Variants in KLHL17 observed in about 807,000 individuals in gnomAD.
KLHL17 encodes kelch-like protein 17.
Under a neutral mutation model 64.6 loss-of-function variants are expected in KLHL17, and 71 were observed. That is an observed-to-expected ratio of 1.10 (90% CI 0.91 to 1.34). The LOEUF (loss-of-function observed/expected upper bound fraction) is 1.34, where lower values mean the gene tolerates loss of function less well. Ranked by LOEUF, KLHL17 falls within the 40% of genes most tolerant of loss-of-function variation. KLHL17 has a pLI of 0.00. For synonymous variants in KLHL17, 612 were observed against 405.4 expected, an observed-to-expected ratio of 1.51 and a Z score of -6.12; for missense variants, 1,140 against 935.0, an observed-to-expected ratio of 1.22 and a Z score of -2.86.
At chr1:964,271 C>G in intron 10 of KLHL17, 78 bp from the exon 11 acceptor site, 1 of 1,592,750 alleles carries the variant, frequency 6.3e-7, no homozygotes. Flanking sequence ...TTCCTGACAC[C>G]CCACCCTGGA....
At chr1:962,194 G>A (rs764178043) in intron 4 of KLHL17, 147 bp downstream of exon 4, 1 of 1,304,968 alleles carries the variant, frequency 7.7e-7, no homozygotes, top group East Asian at 2.5e-5. Flanking sequence ...TCTGGATCTG[G>A]GCCCCCCAGG....
At position 964,090 on chromosome 1, in the gene KLHL17, G is replaced by A; in HGVS notation, c.1445-17G>A. On this transcript the variant is annotated splice_polypyrimidine_tract_variant and intron_variant, in intron 9 of 11. Transcript: ENST00000338591. The stretch of plus-strand genomic sequence containing the variant: ...CACTCCCAGCAGGAGTGCCACGGGT[G>A]TGTTGACTTCCGGCAGATGGGAACC... 6.2e-7 allele frequency: 1 copy of A among 1,612,708 alleles called. No homozygotes were observed. Among genetic ancestry groups the A allele is most frequent in the Non-Finnish European group, 8.5e-7 (1 of 1,179,918 alleles).
intron 8 of KLHL17, 141 bp from the exon 9 acceptor site, chr1:963,779 G>T: frequency 2.0e-6 from 2 of 1,015,530 alleles, no homozygotes; most frequent in South Asian, 1.4e-5. Context: ...GCCCACCAGC[G>T]GGCCCTGCCT....
intron 5 of KLHL17, 48 bp from the exon 6 acceptor site, chr1:962,656 C>T: frequency 6.5e-7 from 1 of 1,543,340 alleles, no homozygotes; most frequent in Non-Finnish European, 8.7e-7. Context: ...CCCTGACGCC[C>T]AGTGTGCCCG....
At chr1:964,819 CG>C (rs1215176171) in intron 11 of KLHL17, 143 bp from the exon 12 acceptor site, 3 of 599,072 alleles carry the variant, frequency 5.0e-6, no homozygotes, top group Admixed American at 3.2e-5. Context: ...GGGAGGGGGG[CG>C]CGGGTCCGCA....
At position 960,640 on chromosome 1, in the gene KLHL17, G is replaced by A. The variant is rs1642593901; in HGVS notation, c.-54G>A. 1.5e-6 allele frequency: 2 copies of A among 1,298,126 alleles called. No homozygotes were observed. The highest frequency in any genetic ancestry group is 3.8e-5 in the Admixed American group (1 of 26,144). 80.4% of individuals were successfully genotyped at this position (1,298,126 alleles called of 1,614,324 possible). On this transcript the variant is annotated 5_prime_UTR_variant, in exon 1 of 12. Coordinates refer to ENST00000338591, the MANE Select transcript of KLHL17 (RefSeq NM_198317.3). ...GCCGAGCAGCCCTCCGGCAGTCTCC[G>A]CGTCCGTTAAGCCCGCGGGTCCTCC...
At position 961,964 on chromosome 1, in the gene KLHL17, C is replaced by T. The variant is rs370568234; in HGVS notation, c.628C>T (p.Leu210Phe). The T allele has an allele frequency of 1.5e-5, 24 of 1,612,840 alleles. No homozygotes were observed. The highest frequency in any genetic ancestry group is 1.6e-4 in the Middle Eastern group (1 of 6,084). ...CGATGCGCACTCCTGCAGCGACCTG[C>T]TCAAGGCCGCCCACAGGTACGTGCT... is the stretch of plus-strand genomic sequence containing the variant. Reference protein sequence around the residue: ...FADAHSCSDLLKAAHRYVLQH... With the variant: ...FADAHSCSDLFKAAHRYVLQH... Residue 210 changes from leucine to phenylalanine, a missense_variant, in exon 4 of 12, where the codon CTC (leucine) becomes TTC (phenylalanine). Transcript: ENST00000338591.
At chr1:962,209 T>A in intron 4 of KLHL17, 146 bp from the exon 5 acceptor site, 2 of 1,368,722 alleles carry the variant, frequency 1.5e-6, no homozygotes, top group Non-Finnish European at 2.0e-6. Context: ...CCCAGGAGCC[T>A]CGTCTGTGGC....
chr1:964,410 T>C lies in KLHL17; in HGVS notation c.1580T>C (p.Val527Ala), dbSNP rs1178097300. 1 of 1,554,618 alleles carries C rather than the reference T, an allele frequency of 6.4e-7. No homozygotes were observed. The stretch of plus-strand genomic sequence containing the variant: ...CGACGCAGCTCAGCGGGCGTGGCCG[T>C]GCTGGAGGGTGCCCTGTACGTGGCA... ...LSRRSSAGVA[V>A]LEGALYVAGG... The change falls in exon 11 of 12, where the codon GTG becomes GCG. Residue 527 changes from valine (V) to alanine (A), a missense_variant. Coordinates refer to ENST00000338591, the MANE Select transcript of KLHL17 (RefSeq NM_198317.3).
chr1:960,626 C>T lies in KLHL17; in HGVS notation c.-68C>T. The T allele has an allele frequency of 1.6e-6, 2 of 1,257,934 alleles. No homozygotes were observed. Among genetic ancestry groups the T allele is most frequent in the Non-Finnish European group, 2.0e-6 (2 of 991,774 alleles). 77.9% of individuals were successfully genotyped at this position (1,257,934 alleles called of 1,614,324 possible). A position where few individuals can be genotyped will look rare whatever the true frequency, so the allele number is the denominator to read the frequency against. ...AGCGGGCCGCCACCGCCGAGCAGCC[C>T]TCCGGCAGTCTCCGCGTCCGTTAAG... On this transcript the variant is annotated 5_prime_UTR_variant, in exon 1 of 12. Transcript: ENST00000338591.
intron 4 of KLHL17, 92 bp from the exon 5 acceptor site, chr1:962,263 C>G: frequency 6.3e-7 from 1 of 1,595,544 alleles, no homozygotes; most frequent in Middle Eastern, 1.7e-4. Context: ...ACTCAGCCCC[C>G]ACCTGCTAAC....
In KLHL17 at chr1:962,422, T is replaced by C. The variant is rs199700665; in HGVS notation, c.779T>C (p.Leu260Pro). ...PSEEEVYRAV[L>P]SWVKHDVDAR... ...GAGGAGGAGGTCTACCGAGCCGTCC[T>C]GAGCTGGGTGAAACACGACGTGGAC... Residue 260 changes from leucine (L) to proline (P), a missense_variant, in exon 5 of 12, where the codon CTG becomes CCG. Leu to Pro is a moderately conservative substitution (Grantham distance 98, BLOSUM62 -3). Transcript: ENST00000338591. The C allele has an allele frequency of 3.1e-6, 5 of 1,612,640 alleles. No homozygotes were observed. Among genetic ancestry groups the C allele is most frequent in the Non-Finnish European group, 4.2e-6 (5 of 1,179,934 alleles).
In KLHL17 at chr1:965,366, G is replaced by A. The variant is rs543581782; in HGVS notation, c.*175G>A. 304 of 635,856 alleles carry A rather than the reference G, an allele frequency of 4.8e-4. No individual in the cohort carries two copies. The highest frequency in any genetic ancestry group is 6.8e-4 in the Non-Finnish European group (252 of 372,814). 39.4% of individuals were successfully genotyped at this position (635,856 alleles called of 1,614,324 possible). A position where few individuals can be genotyped will look rare whatever the true frequency, so the allele number is the denominator to read the frequency against. On this transcript the variant is annotated 3_prime_UTR_variant, in exon 12 of 12. Coordinates refer to ENST00000338591, the MANE Select transcript of KLHL17 (RefSeq NM_198317.3). ...TTTATTGAGGGGTGAGGAGTGCCAC[G>A]GCTGCCCGTTTACACCTTTAGCGTC...
Position 964,951 on chromosome 1 carries a change from C to A in KLHL17, c.1701-12C>A. On this transcript the variant is annotated splice_polypyrimidine_tract_variant and intron_variant, in intron 11 of 11. Coordinates refer to ENST00000338591, the MANE Select transcript of KLHL17 (RefSeq NM_198317.3). ...TTCCTGCAGCCAGGGGCTCACCCCGCCTTCCCCCCAGGAGCACGCATGACC... is the reference window on the plus strand; with the variant it reads ...TTCCTGCAGCCAGGGGCTCACCCCGACTTCCCCCCAGGAGCACGCATGACC... The A allele has an allele frequency of 1.9e-6, 3 of 1,582,150 alleles. No homozygotes were observed. Among genetic ancestry groups the A allele is most frequent in the Non-Finnish European group, 2.6e-6 (3 of 1,158,790 alleles).
chr1:961,788 C>T, intron 3 of KLHL17, 38 bp downstream of exon 3: 3 of 1,611,416 alleles, frequency 1.9e-6, no homozygotes, highest in Non-Finnish European at 1.7e-6. Context: ...TGTCCCCCGA[C>T]CCTGTGCCTC....
chr1:964,936 C>A, intron 11 of KLHL17, 27 bp from the exon 12 acceptor site: 1 of 1,537,288 alleles, frequency 6.5e-7, no homozygotes, highest in East Asian at 2.4e-5. Context: ...TTCCTGCAGC[C>A]AGGGGCTCAC....
chr1:964,952 C>A lies in KLHL17; in HGVS notation c.1701-11C>A. Reference sequence around the variant, plus strand: ...TCCTGCAGCCAGGGGCTCACCCCGCCTTCCCCCCAGGAGCACGCATGACCT... The same window carrying A: ...TCCTGCAGCCAGGGGCTCACCCCGCATTCCCCCCAGGAGCACGCATGACCT... On this transcript the variant is annotated splice_polypyrimidine_tract_variant and intron_variant, in intron 11 of 11. Transcript: ENST00000338591. 1 of 1,583,702 alleles carries A rather than the reference C, an allele frequency of 6.3e-7. No individual in the cohort carries two copies. Among genetic ancestry groups the A allele is most frequent in the Non-Finnish European group, 8.6e-7 (1 of 1,159,498 alleles).
Position 964,349 on chromosome 1 carries a change from G to T in KLHL17, c.1519G>T (p.Val507Leu). 6.4e-7 allele frequency: 1 copy of T among 1,555,208 alleles called. No individual in the cohort carries two copies. Among genetic ancestry groups the T allele is most frequent in the Non-Finnish European group, 8.7e-7 (1 of 1,152,350 alleles). ...LATVEKYEPQ[V>L]NVWSPVASML... ...GTCCAGCCCACGCCCTCGCCCCCAG[G>T]TGAACGTGTGGTCGCCCGTGGCGTC... The change falls in exon 11 of 12, where the codon GTG becomes TTG. Residue 507 changes from valine (V) to leucine (L), a missense_variant and splice_region_variant. Transcript: ENST00000338591.
intron 4 of KLHL17, 88 bp downstream of exon 4, chr1:962,135 A>G (rs998888660): frequency 3.0e-6 from 4 of 1,312,258 alleles, no homozygotes; most frequent in African/African-American, 1.7e-5. Context: ...TGTTCCTGAC[A>G]CAGCCCTGCC....
Sources: allele counts gnomAD v4.1 joint callset, GRCh38; gene constraint gnomAD v4.1.1; transcripts MANE v1.5; gene names NCBI Gene and HGNC (gene_info 2026-07-23, HGNC 2026-07-21).